The following FBXO9 variants were observed in gnomAD, a reference collection of about 807,000 sequenced individuals.
FBXO9 encodes the protein F-box only protein 9.
FBXO9 carries 43 observed loss-of-function variants against 63.7 expected under a neutral mutation model. The ratio of observed to expected loss-of-function variants is 0.67; its 90% CI spans 0.53 to 0.87. FBXO9 has a LOEUF of 0.87. FBXO9 is among the 40% of genes least tolerant of loss of function. The probability of loss-of-function intolerance (pLI) is 0.00; values close to 1 mark genes in which losing one functional copy is unlikely to be tolerated. For missense variants in FBXO9, 442 were observed against 533.2 expected, an observed-to-expected ratio of 0.83 and a Z score of 1.68; for synonymous variants, 156 against 171.7, an observed-to-expected ratio of 0.91 and a Z score of 0.72.
At chr6:53,075,735 T>TA (rs1769079259) in intron 3 of FBXO9, among the ~76,000 whole-genome samples, 3 of 29,894 alleles carry the variant, frequency 1.0e-4, no homozygotes, top group Non-Finnish European at 1.7e-4. Context: ...ATATATATAA[T>TA]TATTTTTTTT....
At chr6:53,068,263 T>TAATA (rs1414748881) in intron 1 of FBXO9, among the ~76,000 whole-genome samples, 1 of 152,354 alleles carries the variant, frequency 6.6e-6, no homozygotes, top group Non-Finnish European at 1.5e-5. Context: ...TTTCATTTCC[T>TAATA]AATAAATCTA....
At position 53,073,270 on chromosome 6, in the gene FBXO9, T is replaced by C. The variant is rs902860610; in HGVS notation, c.91-211T>C. Among the ~76,000 whole-genome samples, 4 of 152,370 alleles carry C rather than the reference T, an allele frequency of 2.6e-5. No homozygotes were observed. The East Asian group carries it at 7.7e-4, about 29-fold the overall frequency. Reference sequence around the variant, plus strand: ...TTTTGGTGTACTGACATGTATTTTATGCTAATTTTCTTGATTCTTTAAGTT... The same window carrying C: ...TTTTGGTGTACTGACATGTATTTTACGCTAATTTTCTTGATTCTTTAAGTT... On this transcript the variant is annotated intron_variant, in intron 2 of 12. Coordinates refer to ENST00000323557, the MANE Select transcript of FBXO9 (RefSeq NM_033480.3).
At position 53,096,976 on chromosome 6, in the gene FBXO9, C is replaced by T. The variant is rs141915871; in HGVS notation, c.1206-746C>T. ...GAACAATGGATGGTTATAGTTTATACTTGACCCATTAGAAAAACATTGTTT... is the reference window on the plus strand; with the variant it reads ...GAACAATGGATGGTTATAGTTTATATTTGACCCATTAGAAAAACATTGTTT... On this transcript the variant is annotated intron_variant, in intron 12 of 12. Transcript: ENST00000323557. Among the ~76,000 whole-genome samples, 401 of 152,296 alleles carry T rather than the reference C, an allele frequency of 2.6e-3. 2 individuals are homozygous for T. The highest frequency in any genetic ancestry group is 6.9e-3 in the African/African-American group (287 of 41,560).
At chr6:53,093,648 C>A in intron 10 of FBXO9, 87 bp downstream of exon 10, 1 of 995,048 alleles carries the variant, frequency 1.0e-6, no homozygotes, top group South Asian at 1.6e-5. Flanking sequence ...GCTTCTTTCA[C>A]TTAATACTGG....
rs777429015 is a variant in FBXO9, at chr6:53,082,594, G to C, written c.629G>C (p.Cys210Ser). 6.2e-7 allele frequency: 1 copy of C among 1,613,508 alleles called. No homozygotes were observed. Among genetic ancestry groups the C allele is most frequent in the Admixed American group, 1.7e-5 (1 of 59,982 alleles). Residue 210 changes from cysteine to serine, a missense_variant, in exon 7 of 13, where the codon TGC becomes TCC. By Grantham distance (112) the Cys-to-Ser change is moderately radical. This residue lies in a region of FBXO9 where 262 missense variants were observed against 362.1 expected (regional missense o/e 0.72). Coordinates refer to ENST00000323557, the MANE Select transcript of FBXO9 (RefSeq NM_033480.3). ...TCATTGGAGCAGTTGTCGCTGGTGT[G>C]CAGAGGATTCTACATCTGTGCCAGG... is the stretch of plus-strand genomic sequence containing the variant. Reference protein sequence around the residue: ...LRSLEQLSLVCRGFYICARDP... With the variant: ...LRSLEQLSLVSRGFYICARDP...
rs1763262231 is a variant in FBXO9, at chr6:53,097,931, T to C, written c.*101T>C. 2.3e-3 allele frequency: 7 copies of C among 3,014 alleles called. No individual in the cohort carries two copies. Among genetic ancestry groups the C allele is most frequent in the Admixed American group, 6.5e-3 (1 of 154 alleles). 0.2% of individuals were successfully genotyped at this position (3,014 alleles called of 1,614,324 possible). ...GTGTGTGTGTGCGTGTGTGTGTATA[T>C]ATATATATATATATATATATATATA... On this transcript the variant is annotated 3_prime_UTR_variant, in exon 13 of 13. Transcript: ENST00000323557.
intron 3 of FBXO9, chr6:53,073,886 T>G (rs1022304371): frequency 3.8e-6 from 1 of 262,820 alleles, no homozygotes; most frequent in African/African-American, 2.2e-5. Context: ...TTGAGCTGTC[T>G]TTTGTTAATT....
At chr6:53,084,338 AG>A (rs2127495076) in intron 7 of FBXO9, among the ~76,000 whole-genome samples, 2 of 152,362 alleles carry the variant, frequency 1.3e-5, no homozygotes, top group African/African-American at 4.8e-5. Flanking sequence ...TACTAGCAAT[AG>A]CACAGATATT....
At position 53,065,633 on chromosome 6, in the gene FBXO9, G is replaced by C. The variant is rs903234435; in HGVS notation, c.-157G>C. On this transcript the variant is annotated 5_prime_UTR_variant, in exon 1 of 13. Transcript: ENST00000323557. Reference sequence around the variant, plus strand: ...GCCGTACGCCGGGCCCGCAGTTATTGCCGCTGCCTGGTGCGCTTCTCCGAC... The same window carrying C: ...GCCGTACGCCGGGCCCGCAGTTATTCCCGCTGCCTGGTGCGCTTCTCCGAC... 9 of 893,488 alleles carry C rather than the reference G, an allele frequency of 1.0e-5. No homozygotes were observed. Among genetic ancestry groups the C allele is most frequent in the African/African-American group, 1.7e-5 (1 of 57,612 alleles). The allele number at this position is 893,488 out of a possible 1,614,324, so 55.3% of individuals were successfully genotyped here.
chr6:53,093,041 C>G (rs972284898), intron 9 of FBXO9: 1 of 437,886 alleles, frequency 2.3e-6, no homozygotes, highest in Non-Finnish European at 4.0e-6. Context: ...GTCTTTTGCC[C>G]TGGGTGTATT....
chr6:53,097,811 T>C lies in FBXO9; in HGVS notation c.1295T>C (p.Phe432Ser). ...FFARVRSYTA[F>S]SERPL ...GCCAGAGTAAGGAGCTACACAGCTT[T>C]CTCAGAAAGGCCTCTGTAGAGCCTC... Residue 432 changes from phenylalanine (F) to serine (S), a missense_variant, in exon 13 of 13, where the codon TTC becomes TCC. By Grantham distance (155) the Phe-to-Ser change is radical. This residue lies in a region of FBXO9 where 262 missense variants were observed against 362.1 expected (regional missense o/e 0.72). Transcript: ENST00000323557. 6.2e-7 allele frequency: 1 copy of C among 1,605,308 alleles called. No homozygotes were observed. Among genetic ancestry groups the C allele is most frequent in the South Asian group, 1.1e-5 (1 of 90,384 alleles).
intron 7 of FBXO9, among the ~76,000 whole-genome samples, chr6:53,088,644 G>T: frequency 6.6e-6 from 1 of 151,662 alleles, no homozygotes. Context: ...TGTCGCCCAG[G>T]CTGCAGTACA....
chr6:53,093,844 TTAA>T (rs1221860897), intron 10 of FBXO9, 38 bp from the exon 11 acceptor site: 1 of 1,439,780 alleles, frequency 6.9e-7, no homozygotes, highest in East Asian at 2.5e-5. Context: ...TTAAATCCAC[TTAA>T]TAACTGATTT....
Position 53,099,223 on chromosome 6 carries a change from CAAAAAAAAA to C in FBXO9, c.*1405_*1413del, listed in dbSNP as rs869268001. The C allele has an allele frequency of 2.3e-5, 1 of 42,574 alleles. No homozygotes were observed. Among genetic ancestry groups the C allele is most frequent in the Non-Finnish European group, 5.2e-5 (1 of 19,256 alleles). 2.6% of individuals were successfully genotyped at this position (42,574 alleles called of 1,614,324 possible). A position where few individuals can be genotyped will look rare whatever the true frequency, so the allele number is the denominator to read the frequency against. ...GCAACATGGCAAAACACCGTCTCTA[CAAAAAAAAA>C]AAAAAAAAAAATTAGCCAAGTACAG... On this transcript the variant is annotated 3_prime_UTR_variant, in exon 13 of 13. Transcript: ENST00000323557.
At position 53,082,567 on chromosome 6, in the gene FBXO9, G is replaced by C; in HGVS notation, c.602G>C (p.Arg201Thr). 6.2e-7 allele frequency: 1 copy of C among 1,613,810 alleles called. No individual in the cohort carries two copies. Among genetic ancestry groups the C allele is most frequent in the Non-Finnish European group, 8.5e-7 (1 of 1,179,752 alleles). Reference sequence around the variant, plus strand: ...GTGGTGTCTAGTGACTTGGACCTCAGATCATTGGAGCAGTTGTCGCTGGTG... The same window carrying C: ...GTGGTGTCTAGTGACTTGGACCTCACATCATTGGAGCAGTTGTCGCTGGTG... The part of the protein sequence containing the change: ...RWVVSSDLDL[R>T]SLEQLSLVCR... The change falls in exon 7 of 13, where the codon AGA becomes ACA. Residue 201 changes from arginine to threonine, a missense_variant. This residue lies in a region of FBXO9 where 262 missense variants were observed against 362.1 expected (regional missense o/e 0.72). Coordinates refer to ENST00000323557, the MANE Select transcript of FBXO9 (RefSeq NM_033480.3).
chr6:53,071,090 G>A lies in FBXO9; in HGVS notation c.37G>A (p.Val13Ile). 1 of 1,575,212 alleles carries A rather than the reference G, an allele frequency of 6.3e-7. No individual in the cohort carries two copies. Among genetic ancestry groups the A allele is most frequent in the East Asian group, 2.3e-5 (1 of 43,586 alleles). ...TGAGGAAGATTGTCATTCTGATACT[G>A]TCAGAGCAGATGATGATGAAGAAAA... ...EAEEDCHSDTVRADDDEENES... is the reference protein window; with the variant it reads ...EAEEDCHSDTIRADDDEENES... The change falls in exon 2 of 13, where the codon GTC becomes ATC. Residue 13 changes from valine to isoleucine, a missense_variant. Physicochemically the swap from Val to Ile is conservative, Grantham distance 29. Coordinates refer to ENST00000323557, the MANE Select transcript of FBXO9 (RefSeq NM_033480.3).
chr6:53,092,885 G>C, intron 9 of FBXO9, 61 bp downstream of exon 9: 1 of 1,157,746 alleles, frequency 8.6e-7, no homozygotes. Flanking sequence ...TAGTTAAATG[G>C]ACATCTGTTC....
At chr6:53,096,176 G>C (rs1248854678) in intron 12 of FBXO9, among the ~76,000 whole-genome samples, 1 of 152,184 alleles carries the variant, frequency 6.6e-6, no homozygotes, top group Admixed American at 6.6e-5. Context: ...AAAACTCTTT[G>C]TTCTATGCAG....
intron 11 of FBXO9, among the ~76,000 whole-genome samples, chr6:53,094,301 A>AT (rs1156269196): frequency 3.3e-5 from 5 of 152,032 alleles, no homozygotes; most frequent in Admixed American, 6.6e-5. Context: ...ATCACAGGGG[A>AT]TTTTTTTTCC....
Sources: gnomAD v4.1 joint callset for allele counts (sites outside exome capture counted in the v4.1 genomes callset) on GRCh38, gnomAD v4.1.1 for gene constraint, gnomAD v4.1.1 regional missense constraint, MANE v1.5 for transcripts, NCBI Gene and HGNC (gene_info 2026-07-23, HGNC 2026-07-21) for gene names.